Variants in DOCK10 observed in about 807,000 individuals in gnomAD.
The protein encoded by DOCK10 is dedicator of cytokinesis protein 10.
Under a neutral mutation model 280.1 loss-of-function variants are expected in DOCK10, and 145 were observed. That is an observed-to-expected ratio of 0.52 (90% CI 0.45 to 0.59). The LOEUF (loss-of-function observed/expected upper bound fraction) is 0.59, where lower values mean the gene tolerates loss of function less well. Ranked by LOEUF, DOCK10 falls within the 20% of genes least tolerant of loss-of-function variation. DOCK10 has a pLI of 0.00. For missense variants in DOCK10, 2,368 were observed against 2,651.7 expected (o/e 0.89, Z 2.35); for synonymous variants, 915 against 942.2 (o/e 0.97, Z 0.53).
At chr2:224,835,604 T>C (rs901829099) in intron 25 of DOCK10, among the ~76,000 whole-genome samples, 3 of 152,210 alleles carry the variant, frequency 2.0e-5, no homozygotes, top group African/African-American at 7.2e-5. Context: ...CACAGGATGA[T>C]AGAACTGAAT....
At chr2:224,819,159 G>A (rs1317509895) in intron 29 of DOCK10, among the ~76,000 whole-genome samples, 1 of 152,186 alleles carries the variant, frequency 6.6e-6, no homozygotes, top group Non-Finnish European at 1.5e-5. Flanking sequence ...AGCCAGTCTA[G>A]GGCAAACTGG....
At chr2:224,792,574 C>T (rs1471524308) in intron 47 of DOCK10, among the ~76,000 whole-genome samples, 9 of 152,122 alleles carry the variant, frequency 5.9e-5, no homozygotes, top group South Asian at 4.1e-4. Context: ...TGAGCCACCG[C>T]GCCTGGCCCT....
chr2:224,934,734 TG>T (rs1277507795), intron 1 of DOCK10, among the ~76,000 whole-genome samples: 3 of 152,226 alleles, frequency 2.0e-5, no homozygotes, highest in African/African-American at 7.2e-5. Context: ...TAACAAGGGT[TG>T]GGTTGTCCCT....
intron 1 of DOCK10, among the ~76,000 whole-genome samples, chr2:225,003,605 C>G (rs1706494939): frequency 6.6e-6 from 1 of 152,202 alleles, no homozygotes; most frequent in Non-Finnish European, 1.5e-5. Context: ...AAAACACAGA[C>G]ATACGCTTCA....
At chr2:224,838,435 A>G (rs1367869367) in intron 24 of DOCK10, among the ~76,000 whole-genome samples, 1 of 152,204 alleles carries the variant, frequency 6.6e-6, no homozygotes, top group African/African-American at 2.4e-5. Context: ...GCTTAGGAAT[A>G]TCTCAGAATT....
chr2:224,916,833 G>C lies in DOCK10; in HGVS notation c.244-49C>G, dbSNP rs530839951. The C allele has an allele frequency of 5.9e-4, 829 of 1,403,346 alleles. 16 individuals are homozygous for C. The South Asian group carries it at 9.4e-3, about 16-fold the overall frequency. 86.9% of individuals were successfully genotyped at this position (1,403,346 alleles called of 1,614,324 possible). A position where few individuals can be genotyped will look rare whatever the true frequency, so the allele number is the denominator to read the frequency against. Reference sequence around the variant, plus strand: ...TTGAGTCCTCCGGCTTAGAAGTGTCGAGCAGACCAGCACACTGAACACACA... The same window carrying C: ...TTGAGTCCTCCGGCTTAGAAGTGTCCAGCAGACCAGCACACTGAACACACA... On this transcript the variant is annotated intron_variant, in intron 2 of 55. Transcript: ENST00000258390.
At chr2:224,975,346 T>C (rs543033326) in intron 1 of DOCK10, among the ~76,000 whole-genome samples, 20 of 152,298 alleles carry the variant, frequency 1.3e-4, no homozygotes, top group Admixed American at 1.2e-3. Context: ...GCTTTAAAGC[T>C]CCATGTTATA....
intron 1 of DOCK10, among the ~76,000 whole-genome samples, chr2:225,033,262 G>A (rs371465326): frequency 1.3e-5 from 2 of 151,762 alleles, no homozygotes; most frequent in South Asian, 2.1e-4. Context: ...AGCTCACTGC[G>A]ACCTCCGCCT....
chr2:224,820,083 A>C lies in DOCK10; in HGVS notation c.3184-554T>G, dbSNP rs140641624. 4.4e-3 allele frequency among the ~76,000 whole-genome samples: 677 copies of C among 152,334 alleles called. 3 individuals carry two copies. Among genetic ancestry groups the C allele is most frequent in the African/African-American group, 0.015 (631 of 41,578 alleles). ...TAATGAGGAGTGGTAGAGACGAGTCAGGAAAGCCTTTTAAATCTCACTGGC... is the reference window on the plus strand; with the variant it reads ...TAATGAGGAGTGGTAGAGACGAGTCCGGAAAGCCTTTTAAATCTCACTGGC... On this transcript the variant is annotated intron_variant, in intron 28 of 55. Transcript: ENST00000258390.
chr2:224,852,939 T>C lies in DOCK10; in HGVS notation c.2072A>G (p.Asn691Ser). 4 of 1,591,500 alleles carry C rather than the reference T, an allele frequency of 2.5e-6. No homozygotes were observed. Among genetic ancestry groups the C allele is most frequent in the Non-Finnish European group, 3.4e-6 (4 of 1,165,890 alleles). Reference protein sequence around the residue: ...HLKYDSQKCFNKARNITVCIE... With the variant: ...HLKYDSQKCFSKARNITVCIE... ...TCTCTGGAACTTATATCATACCTTG[T>C]TGAAGCATTTCTGGCTATCATACTT... The change falls in exon 17 of 56, where the codon AAC (asparagine) becomes AGC (serine). Residue 691 changes from asparagine to serine, a missense_variant. Physicochemically the swap from Asn to Ser is conservative, Grantham distance 46. Coordinates refer to ENST00000258390, the MANE Select transcript of DOCK10 (RefSeq NM_014689.3).
chr2:224,941,769 G>A (rs990277291), intron 1 of DOCK10, among the ~76,000 whole-genome samples: 13 of 151,644 alleles, frequency 8.6e-5, no homozygotes, highest in East Asian at 1.9e-4. Context: ...TCTTGAACCC[G>A]GGAGGCAGAG....
At chr2:224,830,050 T>C (rs1479205799) in intron 27 of DOCK10, among the ~76,000 whole-genome samples, 2 of 152,178 alleles carry the variant, frequency 1.3e-5, no homozygotes, top group African/African-American at 2.4e-5. Flanking sequence ...TGCAATATGC[T>C]CCAGCATTCA....
intron 1 of DOCK10, among the ~76,000 whole-genome samples, chr2:225,033,140 T>A (rs1441814704): frequency 1.3e-5 from 2 of 152,134 alleles, no homozygotes; most frequent in African/African-American, 4.8e-5. Context: ...TACAGTATTT[T>A]CACATTTAAG....
chr2:224,791,555 C>G (rs141963189), intron 47 of DOCK10, among the ~76,000 whole-genome samples: 2 of 151,794 alleles, frequency 1.3e-5, no homozygotes, highest in East Asian at 3.9e-4. Flanking sequence ...ACCTCCACCT[C>G]CTGGGTTCAA....
intron 11 of DOCK10, among the ~76,000 whole-genome samples, chr2:224,873,787 T>G (rs894740421): frequency 1.3e-5 from 2 of 152,122 alleles, no homozygotes; most frequent in African/African-American, 4.8e-5. Context: ...TAATATTTTA[T>G]TAGGCTTTAT....
intron 1 of DOCK10, among the ~76,000 whole-genome samples, chr2:225,028,388 T>A (rs1689977746): frequency 1.3e-5 from 2 of 152,088 alleles, no homozygotes; most frequent in Admixed American, 1.3e-4. Flanking sequence ...GGCCCTACAG[T>A]CTCAAGGAAC....
chr2:224,961,186 C>A lies in DOCK10; in HGVS notation c.124-29518G>T, dbSNP rs554362464. Among the ~76,000 whole-genome samples the A allele has an allele frequency of 1.7e-4, 26 of 152,286 alleles. No homozygotes were observed. The South Asian group carries it at 5.4e-3, about 32-fold the overall frequency. On this transcript the variant is annotated intron_variant, in intron 1 of 55. Transcript: ENST00000258390. ...CTTGTCAATATCAGTGTTTCCCCAA[C>A]TGTATTCTAGAGCTTCACAACATGT...
intron 26 of DOCK10, among the ~76,000 whole-genome samples, chr2:224,832,412 T>A (rs1695296450): frequency 6.6e-6 from 1 of 152,238 alleles, no homozygotes; most frequent in Non-Finnish European, 1.5e-5. Flanking sequence ...CTACTGTCAA[T>A]GGGCATTTGG....
chr2:224,934,972 T>C (rs763017468), intron 1 of DOCK10, among the ~76,000 whole-genome samples: 8 of 152,226 alleles, frequency 5.3e-5, no homozygotes, highest in Non-Finnish European at 1.0e-4. Context: ...ACCACAGTGG[T>C]GAGAGGCCCT....
Sources: allele counts gnomAD v4.1 joint callset (sites outside exome capture counted in the v4.1 genomes callset), GRCh38; gene constraint gnomAD v4.1.1; transcripts MANE v1.5; gene names NCBI Gene and HGNC (gene_info 2026-07-23, HGNC 2026-07-21).